Variants in HDAC2 observed in about 807,000 individuals in gnomAD.
The protein encoded by HDAC2 is YY1-associated factor 1.
Under a neutral mutation model 68.5 loss-of-function variants are expected in HDAC2, and 5 were observed. That is an observed-to-expected ratio of 0.07 (90% CI 0.04 to 0.15). The LOEUF is 0.15. Among genes scored for constraint, HDAC2 ranks in the 10% least tolerant of loss-of-function variants. The probability of loss-of-function intolerance (pLI) is 1.00; values close to 1 mark genes in which losing one functional copy is unlikely to be tolerated. For synonymous variants in HDAC2, 182 were observed against 191.3 expected (o/e 0.95, Z 0.40); for missense variants, 291 against 600.8 (o/e 0.48, Z 5.39).
At chr6:113,951,129 G>A (rs1214723728) in intron 6 of HDAC2, among the ~76,000 whole-genome samples, 1 of 152,184 alleles carries the variant, frequency 6.6e-6, no homozygotes, top group Non-Finnish European at 1.5e-5. Flanking sequence ...GCAACTCAGA[G>A]CTGCTGCCCT....
At chr6:113,959,032 A>G (rs1285579340) in intron 2 of HDAC2, among the ~76,000 whole-genome samples, 1 of 152,152 alleles carries the variant, frequency 6.6e-6, no homozygotes, top group Admixed American at 6.5e-5. Context: ...AAACAGTTCG[A>G]GTAAAAAGTC....
intron 2 of HDAC2, 66 bp downstream of exon 2, chr6:113,959,840 G>A: frequency 1.4e-6 from 1 of 732,180 alleles, no homozygotes; most frequent in Non-Finnish European, 2.4e-6. Flanking sequence ...AATAGACAAA[G>A]TTTCACAGTA....
Position 113,940,899 on chromosome 6 carries a change from A to G in HDAC2, c.*159T>C. ...TTCATAATTAGAAAAACTCACAATA[A>G]AACTTGCCAAGAAAAACAAAAACGA... On this transcript the variant is annotated 3_prime_UTR_variant, in exon 14 of 14. Transcript: ENST00000519065. The G allele has an allele frequency of 1.9e-6, 1 of 516,464 alleles. No homozygotes were observed. Among genetic ancestry groups the G allele is most frequent in the Non-Finnish European group, 3.4e-6 (1 of 298,252 alleles). The allele number at this position is 516,464 out of a possible 1,614,324, so 32.0% of individuals were successfully genotyped here.
chr6:113,956,725 CA>C, intron 3 of HDAC2, 32 bp from the exon 4 acceptor site: 1 of 1,473,548 alleles, frequency 6.8e-7, no homozygotes, highest in Non-Finnish European at 9.5e-7. Flanking sequence ...AATTTCAACA[CA>C]TTCTGCAAAT....
Position 113,940,099 on chromosome 6 carries a change from C to T in HDAC2, c.*959G>A, listed in dbSNP as rs763857591. 4 of 152,142 alleles carry T rather than the reference C, an allele frequency of 2.6e-5. No homozygotes were observed. The highest frequency in any genetic ancestry group is 4.4e-5 in the Non-Finnish European group (3 of 68,018). 9.4% of individuals were successfully genotyped at this position (152,142 alleles called of 1,614,324 possible). A position where few individuals can be genotyped will look rare whatever the true frequency, so the allele number is the denominator to read the frequency against. On this transcript the variant is annotated 3_prime_UTR_variant, in exon 14 of 14. Coordinates refer to ENST00000519065, the MANE Select transcript of HDAC2 (RefSeq NM_001527.4). ...CTGCTTCCTGCTACTAGAATGTAAG[C>T]TCTGAGTGTAAGCTCTGAGTGAAAG...
chr6:113,960,129 T>C, intron 1 of HDAC2, 111 bp from the exon 2 acceptor site: 1 of 676,034 alleles, frequency 1.5e-6, no homozygotes, highest in Non-Finnish European at 2.7e-6. Context: ...ACAAAATTTA[T>C]TTAAAACCTT....
chr6:113,966,057 G>A (rs897252687), intron 1 of HDAC2, among the ~76,000 whole-genome samples: 10 of 151,646 alleles, frequency 6.6e-5, no homozygotes, highest in South Asian at 4.1e-4. Flanking sequence ...TAAAGATTCC[G>A]GATGTTGAAC....
intron 4 of HDAC2, 51 bp from the exon 5 acceptor site, chr6:113,956,202 A>C (rs368153454): frequency 9.5e-6 from 14 of 1,475,284 alleles, no homozygotes; most frequent in Non-Finnish European, 1.3e-5. Context: ...ATAAAAAAGT[A>C]GTAGAATGAG....
Position 113,970,934 on chromosome 6 carries a change from G to C in HDAC2, c.-26C>G. On this transcript the variant is annotated 5_prime_UTR_variant, in exon 1 of 14. Coordinates refer to ENST00000519065, the MANE Select transcript of HDAC2 (RefSeq NM_001527.4). The stretch of plus-strand genomic sequence containing the variant: ...GGGCTCCCCGGCCACCGCCGCCACC[G>C]GGCTCCTCCTCCTGCTGCTGCTGCT... The C allele has an allele frequency of 6.4e-7, 1 of 1,552,724 alleles. No individual in the cohort carries two copies. The highest frequency in any genetic ancestry group is 8.7e-7 in the Non-Finnish European group (1 of 1,148,268).
intron 5 of HDAC2, 153 bp downstream of exon 5, chr6:113,955,860 C>T: frequency 1.7e-6 from 1 of 585,866 alleles, no homozygotes; most frequent in Non-Finnish European, 2.8e-6. Flanking sequence ...TCCTGCATTT[C>T]TTCATTGTTT....
rs1217540103 is a variant in HDAC2, at chr6:113,934,794, C to T, written c.*6264G>A. The stretch of plus-strand genomic sequence containing the variant: ...AAAGGGAATAGCACAGGAATTATAC[C>T]TAAGTCCATTACATATAACACTGAA... On this transcript the variant is annotated 3_prime_UTR_variant, in exon 14 of 14. Coordinates refer to ENST00000519065, the MANE Select transcript of HDAC2 (RefSeq NM_001527.4). 2.6e-5 allele frequency: 4 copies of T among 152,168 alleles called. No homozygotes were observed. Among genetic ancestry groups the T allele is most frequent in the African/African-American group, 9.7e-5 (4 of 41,440 alleles). 9.4% of individuals were successfully genotyped at this position (152,168 alleles called of 1,614,324 possible).
intron 1 of HDAC2, among the ~76,000 whole-genome samples, chr6:113,960,779 A>G (rs1320254166): frequency 6.6e-6 from 1 of 152,098 alleles, no homozygotes; most frequent in East Asian, 1.9e-4. Context: ...ATAATAGTAA[A>G]TAACAAGAAG....
At chr6:113,943,614 T>A in intron 11 of HDAC2, 108 bp from the exon 12 acceptor site, 1 of 688,310 alleles carries the variant, frequency 1.5e-6, no homozygotes, top group Non-Finnish European at 2.2e-6. Flanking sequence ...CATTTAAACG[T>A]AAAGGGTAAC....
intron 6 of HDAC2, among the ~76,000 whole-genome samples, chr6:113,950,542 G>A (rs1031177808): frequency 3.3e-5 from 5 of 150,940 alleles, no homozygotes; most frequent in Admixed American, 1.3e-4. Flanking sequence ...ACAGGTGCAC[G>A]CCACCACACC....
chr6:113,962,729 C>T (rs532579471), intron 1 of HDAC2, among the ~76,000 whole-genome samples: 5 of 151,958 alleles, frequency 3.3e-5, no homozygotes, highest in South Asian at 2.1e-4. Context: ...TTCGGGAGGC[C>T]GAGGCGGGCA....
chr6:113,954,196 T>C (rs1165073573), intron 5 of HDAC2, among the ~76,000 whole-genome samples: 1 of 152,206 alleles, frequency 6.6e-6, no homozygotes, highest in African/African-American at 2.4e-5. Context: ...GGACTTCTCA[T>C]GTCATCCTTT....
chr6:113,970,667 G>C, intron 1 of HDAC2, 190 bp downstream of exon 1: 1 of 1,351,974 alleles, frequency 7.4e-7, no homozygotes, highest in Admixed American at 3.8e-5. Context: ...CCGCCCGCAG[G>C]AACCGCGGGG....
chr6:113,969,576 T>A (rs1288516861), intron 1 of HDAC2: 2 of 152,158 alleles, frequency 1.3e-5, no homozygotes, highest in Non-Finnish European at 2.9e-5. Context: ...AGATTCTCTG[T>A]TAAATTTTGG....
Position 113,941,729 on chromosome 6 carries a change from C to T in HDAC2, c.1415G>A (p.Gly472Asp). 8 of 1,447,736 alleles carry T rather than the reference C, an allele frequency of 5.5e-6. No homozygotes were observed. Among genetic ancestry groups the T allele is most frequent in the South Asian group, 1.3e-5 (1 of 76,638 alleles). The allele number at this position is 1,447,736 out of a possible 1,614,324, so 89.7% of individuals were successfully genotyped here. ...KEEDKSKDNS[G>D]EKTDTKGTKS... The stretch of plus-strand genomic sequence containing the variant: ...TTACCCTTTGGTATCTGTTTTTTCA[C>T]CACTGTTGTCCTTGGATTTATCTTC... The change falls in exon 13 of 14, where the codon GGT becomes GAT. Residue 472 changes from glycine (G) to aspartate (D), a missense_variant. Gly to Asp is a moderately conservative substitution (Grantham distance 94). Around this residue, in one of 2 missense-constraint regions of HDAC2, gnomAD observed 137 missense variants for 128.7 expected, o/e 1.06. Transcript: ENST00000519065.
Sources: gnomAD v4.1 joint callset for allele counts (sites outside exome capture counted in the v4.1 genomes callset) on GRCh38, gnomAD v4.1.1 for gene constraint, gnomAD v4.1.1 regional missense constraint, MANE v1.5 for transcripts, NCBI Gene and HGNC (gene_info 2026-07-23, HGNC 2026-07-21) for gene names.